STK31: variants seen among roughly 807,000 people sequenced by gnomAD.
The protein encoded by STK31 is serine/threonine kinase 31, also known as serine/threonine-protein kinase 31.
STK31 carries 89 observed loss-of-function variants against 129.7 expected under a neutral mutation model. The ratio of observed to expected loss-of-function variants is 0.69; its 90% CI spans 0.58 to 0.82. The LOEUF is 0.82. Among genes scored for constraint, STK31 ranks in the 40% least tolerant of loss-of-function variants. The pLI is 0.00. For synonymous variants in STK31, 448 were observed against 395.3 expected, an observed-to-expected ratio of 1.13 and a Z score of -1.58; for missense variants, 1,187 against 1,176.4, an observed-to-expected ratio of 1.01 and a Z score of -0.13.
intron 22 of STK31, among the ~76,000 whole-genome samples, chr7:23,806,752 C>T (rs1039729598): frequency 2.0e-5 from 3 of 151,822 alleles, no homozygotes; most frequent in Non-Finnish European, 2.9e-5. Flanking sequence ...TACAAAAAAT[C>T]AGCCGGGCGT....
chr7:23,710,231 C>A lies in STK31; in HGVS notation c.-55C>A. On this transcript the variant is annotated 5_prime_UTR_variant, in exon 1 of 24. Transcript: ENST00000355870. ...GTGTGGGGCCCTTGCGGTCGAAGCTCACGCGGTAAGCCGCTGCACGTGTGC... is the reference window on the plus strand; with the variant it reads ...GTGTGGGGCCCTTGCGGTCGAAGCTAACGCGGTAAGCCGCTGCACGTGTGC... The A allele has an allele frequency of 6.2e-7, 1 of 1,611,330 alleles. No homozygotes were observed. The highest frequency in any genetic ancestry group is 8.5e-7 in the Non-Finnish European group (1 of 1,179,470).
chr7:23,795,930 C>T (rs1023098020), intron 22 of STK31, among the ~76,000 whole-genome samples: 3 of 152,220 alleles, frequency 2.0e-5, no homozygotes, highest in Admixed American at 6.5e-5. Context: ...TTTACAGGCT[C>T]ATAGGCAGAA....
chr7:23,783,537 A>AAT, intron 16 of STK31, 46 bp from the exon 17 acceptor site: 2 of 1,392,004 alleles, frequency 1.4e-6, no homozygotes, highest in Non-Finnish European at 2.0e-6. Context: ...GTCAAAATTG[A>AAT]ATATATATTG....
At chr7:23,779,920 C>T (rs564095322) in intron 15 of STK31, among the ~76,000 whole-genome samples, 1 of 152,256 alleles carries the variant, frequency 6.6e-6, no homozygotes, top group South Asian at 2.1e-4. Flanking sequence ...GGTGTCTGCC[C>T]AAACGTCTGC....
At chr7:23,831,374 T>A (rs1456626393) in intron 23 of STK31, among the ~76,000 whole-genome samples, 1 of 152,202 alleles carries the variant, frequency 6.6e-6, no homozygotes, top group African/African-American at 2.4e-5. Flanking sequence ...TCTTTGTCAC[T>A]TTTTGCTCTT....
intron 10 of STK31, among the ~76,000 whole-genome samples, chr7:23,757,545 C>A (rs1789171161): frequency 6.6e-6 from 1 of 152,076 alleles, no homozygotes; most frequent in Non-Finnish European, 1.5e-5. Flanking sequence ...CATACATAAA[C>A]ATATCTGGTG....
chr7:23,817,038 A>G (rs189648690), intron 23 of STK31, among the ~76,000 whole-genome samples: 1 of 152,164 alleles, frequency 6.6e-6, no homozygotes, highest in Non-Finnish European at 1.5e-5. Context: ...ATACAAAAAA[A>G]TTAGCTGGAT....
intron 8 of STK31, among the ~76,000 whole-genome samples, chr7:23,741,698 A>G (rs1788065123): frequency 6.6e-6 from 1 of 152,308 alleles, no homozygotes; most frequent in African/African-American, 2.4e-5. Flanking sequence ...TAAGGGTGCC[A>G]TCTGTAGTAT....
At chr7:23,793,265 C>G (rs1791750844) in intron 22 of STK31, among the ~76,000 whole-genome samples, 2 of 152,058 alleles carry the variant, frequency 1.3e-5, no homozygotes, top group Admixed American at 1.3e-4. Context: ...GTGTATCAGA[C>G]CTAAATGTAA....
intron 15 of STK31, among the ~76,000 whole-genome samples, chr7:23,777,590 C>T (rs995385377): frequency 6.6e-6 from 1 of 151,798 alleles, no homozygotes; most frequent in Non-Finnish European, 1.5e-5. Context: ...TAATGCCCTT[C>T]TTTATTTTTA....
intron 6 of STK31, 104 bp from the exon 7 acceptor site, chr7:23,735,434 G>C (rs535674640): frequency 9.8e-7 from 1 of 1,023,686 alleles, no homozygotes. Flanking sequence ...GTAATATAGA[G>C]ATTTTAGAAT....
chr7:23,806,499 A>G (rs907615878), intron 22 of STK31, among the ~76,000 whole-genome samples: 3 of 152,232 alleles, frequency 2.0e-5, no homozygotes, highest in Admixed American at 1.3e-4. Context: ...AGAAAGGAAC[A>G]TGGGTAGCAG....
chr7:23,781,392 A>G (rs1316757979), intron 15 of STK31, 27 bp from the exon 16 acceptor site: 1 of 1,550,588 alleles, frequency 6.4e-7, no homozygotes, highest in East Asian at 2.3e-5. Context: ...TATGTTAATA[A>G]AAAACACTTT....
chr7:23,745,757 G>A (rs1788313555), intron 8 of STK31, among the ~76,000 whole-genome samples: 1 of 152,116 alleles, frequency 6.6e-6, no homozygotes, highest in African/African-American at 2.4e-5. Context: ...TTGGCCTCAG[G>A]TGTGGCAGCA....
At chr7:23,825,467 C>T (rs1794084201) in intron 23 of STK31, among the ~76,000 whole-genome samples, 1 of 152,024 alleles carries the variant, frequency 6.6e-6, no homozygotes, top group Admixed American at 6.5e-5. Context: ...TTTTTTATTG[C>T]ATCTATTTGA....
At chr7:23,812,266 A>T (rs916529057) in intron 22 of STK31, among the ~76,000 whole-genome samples, 1 of 151,786 alleles carries the variant, frequency 6.6e-6, no homozygotes, top group African/African-American at 2.4e-5. Context: ...AAAATGTGCT[A>T]CTTCCTTCGG....
chr7:23,802,609 G>A (rs1002138673), intron 22 of STK31, among the ~76,000 whole-genome samples: 9 of 152,140 alleles, frequency 5.9e-5, no homozygotes, highest in African/African-American at 2.2e-4. Flanking sequence ...TGCCTCCCGG[G>A]TTCAAATGAT....
In STK31 at chr7:23,783,683, C is replaced by T. The variant is rs183068613; in HGVS notation, c.2148+20C>T. ...TACATGGTAAACTTTGTTTCCCTTG[C>T]GAATTACTACTCTTCAGAGGGTGTT... On this transcript the variant is annotated intron_variant, in intron 17 of 23. Coordinates refer to ENST00000355870, the MANE Select transcript of STK31 (RefSeq NM_031414.5). 4.2e-5 allele frequency: 66 copies of T among 1,565,742 alleles called. No individual in the cohort carries two copies. Among genetic ancestry groups the T allele is most frequent in the Non-Finnish European group, 4.8e-5 (55 of 1,142,256 alleles).
chr7:23,792,883 G>A (rs1791729433), intron 22 of STK31, among the ~76,000 whole-genome samples: 1 of 152,150 alleles, frequency 6.6e-6, no homozygotes, highest in Admixed American at 6.5e-5. Flanking sequence ...AATTAGCTGG[G>A]TGTAATGGCG....
Sources: gnomAD v4.1 joint callset for allele counts (sites outside exome capture counted in the v4.1 genomes callset) on GRCh38, gnomAD v4.1.1 for gene constraint, MANE v1.5 for transcripts, NCBI Gene and HGNC (gene_info 2026-07-23, HGNC 2026-07-21) for gene names.